The following SCN11A variants were observed in gnomAD, a reference collection of about 807,000 sequenced individuals.
SCN11A encodes the protein sodium voltage-gated channel alpha subunit 11, also known as sodium channel protein type 11 subunit alpha.
SCN11A carries 122 observed loss-of-function variants against 162.2 expected under a neutral mutation model. The observed-to-expected ratio is 0.75, with a 90% CI of 0.65 to 0.87. The LOEUF is 0.87. Among genes scored for constraint, SCN11A ranks in the 40% least tolerant of loss-of-function variants. The probability of loss-of-function intolerance (pLI) is 0.00; values close to 1 mark genes in which losing one functional copy is unlikely to be tolerated. For missense variants in SCN11A, 2,015 were observed against 2,181.6 expected (o/e 0.92, Z 1.52); for synonymous variants, 758 against 751.5 (o/e 1.01, Z -0.14).
Position 38,946,862 on chromosome 3 carries a change from C to A in SCN11A, c.313G>T (p.Ala105Ser), listed in dbSNP as rs768276934. The change falls in exon 6 of 30, where the codon GCC (alanine) becomes TCC (serine). Residue 105 changes from alanine (A) to serine (S), a missense_variant. By Grantham distance (99) the Ala-to-Ser change is moderately conservative. Coordinates refer to ENST00000302328, the MANE Select transcript of SCN11A (RefSeq NM_001349253.2). The stretch of plus-strand genomic sequence containing the variant: ...CCAAAAATGAACAAGGCATGCTTGG[C>A]ACTGAAGCGGTAGATTGTCCTCTTT... ...NRKRTIYRFS[A>S]KHALFIFGPF... 5.6e-6 allele frequency: 9 copies of A among 1,613,746 alleles called. No individual in the cohort carries two copies. The East Asian group carries it at 2.0e-4, about 36-fold the overall frequency.
At chr3:38,903,248 C>A (rs2065732498) in intron 16 of SCN11A, among the ~76,000 whole-genome samples, 1 of 152,070 alleles carries the variant, frequency 6.6e-6, no homozygotes, top group East Asian at 1.9e-4. Flanking sequence ...AAAATGCCTT[C>A]CACAAGAACC....
At chr3:38,899,591 G>C (rs544298898) in intron 17 of SCN11A, among the ~76,000 whole-genome samples, 15 of 152,224 alleles carry the variant, frequency 9.9e-5, no homozygotes, top group Admixed American at 9.2e-4. Context: ...AAGAGTGTCG[G>C]AAGGGTTGTG....
intron 2 of SCN11A, among the ~76,000 whole-genome samples, chr3:38,987,340 C>CA (rs1559565325): frequency 6.8e-6 from 1 of 146,894 alleles, no homozygotes; most frequent in African/African-American, 2.6e-5. Flanking sequence ...CACACACACA[C>CA]ACCTGTCCTG....
chr3:38,906,946 C>T (rs1283838820), intron 14 of SCN11A, among the ~76,000 whole-genome samples: 2 of 152,134 alleles, frequency 1.3e-5, no homozygotes, highest in Admixed American at 6.5e-5. Context: ...CGCATACACA[C>T]ACACTGGCAA....
At position 38,847,081 on chromosome 3, in the gene SCN11A, A is replaced by G; in HGVS notation, c.4989T>C (p.Asn1663=). ...AGTCCATTACTAGAAATTGATATTTATTTGGCTTTGCGACACGCAAAGGCT... is the reference window on the plus strand; with the variant it reads ...AGTCCATTACTAGAAATTGATATTTGTTTGGCTTTGCGACACGCAAAGGCT... The part of the protein sequence containing the change: ...LPEPLRVAKP[N]KYQFLVMDLP... The change falls in exon 30 of 30, where the codon AAT becomes AAC. Residue 1663 remains asparagine, a synonymous_variant. Coordinates refer to ENST00000302328, the MANE Select transcript of SCN11A (RefSeq NM_001349253.2). 1 of 1,614,180 alleles carries G rather than the reference A, an allele frequency of 6.2e-7. No homozygotes were observed. The highest frequency in any genetic ancestry group is 8.5e-7 in the Non-Finnish European group (1 of 1,180,036).
chr3:39,000,240 G>A (rs1004024612), intron 2 of SCN11A, among the ~76,000 whole-genome samples: 12 of 152,188 alleles, frequency 7.9e-5, no homozygotes, highest in African/African-American at 2.7e-4. Context: ...CTTTGTAAGA[G>A]CTGACAAGAC....
chr3:39,000,078 T>C (rs2030763612), intron 2 of SCN11A, among the ~76,000 whole-genome samples: 2 of 152,206 alleles, frequency 1.3e-5, no homozygotes, highest in Admixed American at 6.5e-5. Context: ...GCTAGAATAC[T>C]GAAAAGATAA....
chr3:38,932,732 G>A (rs563061405), intron 7 of SCN11A, among the ~76,000 whole-genome samples: 8 of 152,350 alleles, frequency 5.3e-5, no homozygotes, highest in African/African-American at 1.7e-4. Context: ...CTCCAACTGG[G>A]TGGAGCCCAC....
At position 38,871,456 on chromosome 3, in the gene SCN11A, G is replaced by C; in HGVS notation, c.3748C>G (p.Leu1250Val). 1 of 1,606,658 alleles carries C rather than the reference G, an allele frequency of 6.2e-7. No homozygotes were observed. Among genetic ancestry groups the C allele is most frequent in the Non-Finnish European group, 8.5e-7 (1 of 1,176,828 alleles). ...FDNVGNAYLA[L>V]LQVATFKGWM... is the part of the protein sequence containing the mutation. ...CTGACTGTACTTACCACTTGCAGCA[G>C]AGCGAGGTAAGCATTTCCCACATTG... The change falls in exon 25 of 30, where the codon CTG becomes GTG. Residue 1250 changes from leucine (L) to valine (V), a missense_variant. Coordinates refer to ENST00000302328, the MANE Select transcript of SCN11A (RefSeq NM_001349253.2).
chr3:39,038,630 G>C (rs990891215), intron 1 of SCN11A, among the ~76,000 whole-genome samples: 1 of 152,186 alleles, frequency 6.6e-6, no homozygotes, highest in Non-Finnish European at 1.5e-5. Context: ...TGTGTCATCA[G>C]TTACCACATC....
At chr3:38,925,311 G>A (rs924807474) in intron 9 of SCN11A, 104 bp downstream of exon 9, 42 of 734,952 alleles carry the variant, frequency 5.7e-5, no homozygotes, top group African/African-American at 1.1e-4. Context: ...TGTAAAGCAG[G>A]CTTTGTTTGT....
At chr3:38,891,539 G>A (rs1296784849) in intron 19 of SCN11A, among the ~76,000 whole-genome samples, 1 of 152,162 alleles carries the variant, frequency 6.6e-6, no homozygotes, top group East Asian at 1.9e-4. Flanking sequence ...TCCAATTTAT[G>A]CTGCTATAAT....
At chr3:39,027,826 G>T (rs1217838809) in intron 2 of SCN11A, among the ~76,000 whole-genome samples, 1 of 152,156 alleles carries the variant, frequency 6.6e-6, no homozygotes, top group Non-Finnish European at 1.5e-5. Context: ...GGGCACTTCT[G>T]GGAGCCCCAG....
intron 7 of SCN11A, among the ~76,000 whole-genome samples, chr3:38,931,928 T>G (rs2066247464): frequency 6.6e-6 from 1 of 152,186 alleles, no homozygotes; most frequent in Non-Finnish European, 1.5e-5. Flanking sequence ...TGGGTCTCTT[T>G]GAATTACTAG....
chr3:38,910,331 T>G, intron 11 of SCN11A, 124 bp from the exon 12 acceptor site: 6 of 924,848 alleles, frequency 6.5e-6, no homozygotes, highest in Non-Finnish European at 9.7e-6. Flanking sequence ...AGGAAGGGAG[T>G]ATTTGTAAAG....
chr3:38,880,870 C>G (rs534979029), intron 22 of SCN11A, among the ~76,000 whole-genome samples: 1 of 152,104 alleles, frequency 6.6e-6, no homozygotes, highest in African/African-American at 2.4e-5. Flanking sequence ...ATATAACTAG[C>G]GTATAAGCTG....
At chr3:38,860,127 A>C (rs2064939650) in intron 28 of SCN11A, among the ~76,000 whole-genome samples, 1 of 152,086 alleles carries the variant, frequency 6.6e-6, no homozygotes, top group African/African-American at 2.4e-5. Context: ...ATTCCATATC[A>C]AACCTGACCA....
rs1017236135 is a variant in SCN11A at position 38,870,631 on chromosome 3, T to A, written c.3813+60A>T. ...TGACGCCAGTTCTGGACTGTCCATG[T>A]AGTCATGATATCTCTGACTTGACCA... On this transcript the variant is annotated intron_variant, in intron 26 of 29. Transcript: ENST00000302328. 3 of 1,406,858 alleles carry A rather than the reference T, an allele frequency of 2.1e-6. No individual in the cohort carries two copies. The African/African-American group carries it at 4.2e-5, about 20-fold the overall frequency. 87.1% of individuals were successfully genotyped at this position (1,406,858 alleles called of 1,614,324 possible).
intron 23 of SCN11A, among the ~76,000 whole-genome samples, chr3:38,879,526 C>T (rs1489137805): frequency 6.6e-6 from 1 of 152,126 alleles, no homozygotes; most frequent in African/African-American, 2.4e-5. Context: ...TGTGAACAAT[C>T]CTCTTATGCT....
Sources: allele counts gnomAD v4.1 joint callset (sites outside exome capture counted in the v4.1 genomes callset), GRCh38; gene constraint gnomAD v4.1.1; transcripts MANE v1.5; gene names NCBI Gene and HGNC (gene_info 2026-07-23, HGNC 2026-07-21).